The following PCNX2 variants were observed in gnomAD, a reference collection of about 807,000 sequenced individuals.
PCNX2 encodes the protein pecanex 2, also known as pecanex-like protein 2.
Under a neutral mutation model 223.8 loss-of-function variants are expected in PCNX2, and 168 were observed. The observed-to-expected ratio is 0.75, with a 90% CI of 0.66 to 0.85. PCNX2 has a LOEUF of 0.85. PCNX2 is among the 40% of genes least tolerant of loss of function. The pLI is 0.00. For missense variants in PCNX2, 2,507 were observed against 2,675.5 expected (o/e 0.94, Z 1.39); for synonymous variants, 1,006 against 1,052.6 (o/e 0.96, Z 0.86).
intron 1 of PCNX2, among the ~76,000 whole-genome samples, chr1:233,289,951 G>A (rs1558430199): frequency 6.6e-6 from 1 of 152,172 alleles, no homozygotes; most frequent in Non-Finnish European, 1.5e-5. Flanking sequence ...CTTTGGAGAG[G>A]CTACCTTTCC....
chr1:233,295,240 C>T lies in PCNX2; in HGVS notation c.153+86G>A. On this transcript the variant is annotated intron_variant, in intron 1 of 33. Coordinates refer to ENST00000258229, the MANE Select transcript of PCNX2 (RefSeq NM_014801.4). The surrounding 1 kb of genome is among the most constrained non-coding windows in gnomAD (Gnocchi z 4.1). ...AAGAATCTCTACGAACCCGAAAGCC[C>T]GTGAGGCTGATGGCACGTCTGTGGT... is the stretch of plus-strand genomic sequence containing the variant. 2 of 1,532,488 alleles carry T rather than the reference C, an allele frequency of 1.3e-6. No homozygotes were observed. Among genetic ancestry groups the T allele is most frequent in the Non-Finnish European group, 1.8e-6 (2 of 1,131,492 alleles). 94.9% of individuals were successfully genotyped at this position (1,532,488 alleles called of 1,614,324 possible).
Position 233,258,655 on chromosome 1 carries a change from T to C in PCNX2, c.1207A>G (p.Lys403Glu). ...TCAGCGTCAGACTTTACACTGGTCT[T>C]CTCTGTGCCAACCACCCTCAGGTGG... ...SLHLRVVGTE[K>E]TSVKSDAEPT... Residue 403 changes from lysine (K) to glutamate (E), a missense_variant, in exon 5 of 34, where the codon AAG (lysine) becomes GAG (glutamate). This residue lies in a region of PCNX2 where 1,031 missense variants were observed against 1,021.7 expected (regional missense o/e 1.01). Transcript: ENST00000258229. 6.2e-7 allele frequency: 1 copy of C among 1,613,956 alleles called. No individual in the cohort carries two copies. Among genetic ancestry groups the C allele is most frequent in the Non-Finnish European group, 8.5e-7 (1 of 1,179,872 alleles).
At chr1:233,314,435 G>A in the PCNX2 span, among the ~76,000 whole-genome samples, 1 of 152,070 alleles carries the variant, frequency 6.6e-6, no homozygotes, top group Non-Finnish European at 1.5e-5. Flanking sequence ...TTAAAGATAT[G>A]TATATAAAAA....
intron 23 of PCNX2, among the ~76,000 whole-genome samples, chr1:233,073,467 T>C (rs1469119271): frequency 6.6e-6 from 1 of 152,144 alleles, no homozygotes; most frequent in Admixed American, 6.5e-5. Context: ...TTGAGATCTT[T>C]AAAAAATTTT....
intron 25 of PCNX2, among the ~76,000 whole-genome samples, chr1:233,036,689 A>T (rs980822414): frequency 6.6e-6 from 1 of 152,158 alleles, no homozygotes; most frequent in African/African-American, 2.4e-5. Context: ...TGCACAATAG[A>T]AATAAAATTC....
intron 1 of PCNX2, among the ~76,000 whole-genome samples, chr1:233,266,939 A>G (rs925202654): frequency 1.3e-5 from 2 of 152,078 alleles, no homozygotes; most frequent in African/African-American, 4.8e-5. Context: ...AGTTCTTCCC[A>G]TTGGACCCAC....
intron 17 of PCNX2, among the ~76,000 whole-genome samples, chr1:233,169,372 C>A (rs1015585413): frequency 6.6e-6 from 1 of 151,368 alleles, no homozygotes; most frequent in Non-Finnish European, 1.5e-5. Flanking sequence ...CAGGGCCGGG[C>A]GCGGTGGCTC....
intron 4 of PCNX2, among the ~76,000 whole-genome samples, chr1:233,260,656 G>A (rs1558402306): frequency 6.6e-6 from 1 of 151,970 alleles, no homozygotes; most frequent in East Asian, 1.9e-4. Flanking sequence ...TTTCTAGAGC[G>A]AATTAAACTT....
At chr1:233,092,830 G>A (rs1268920610) in intron 22 of PCNX2, among the ~76,000 whole-genome samples, 3 of 151,828 alleles carry the variant, frequency 2.0e-5, no homozygotes, top group South Asian at 2.1e-4. Flanking sequence ...ATGAAGTCTC[G>A]CTCTGTCACC....
intron 12 of PCNX2, chr1:233,211,956 G>T (rs539587573): frequency 8.1e-6 from 2 of 246,114 alleles, no homozygotes; most frequent in East Asian, 1.8e-4. Context: ...CCCATTTCTC[G>T]GCTGTTGCCC....
chr1:233,145,451 T>C (rs35554512), intron 19 of PCNX2, among the ~76,000 whole-genome samples: 20,083 of 152,242 alleles, frequency 0.13, 1,454 homozygotes, highest in East Asian at 0.24. Context: ...CCACCATTTA[T>C]TGAAAACAAC....
chr1:233,083,768 A>G (rs992859750), intron 23 of PCNX2, among the ~76,000 whole-genome samples: 2 of 152,196 alleles, frequency 1.3e-5, no homozygotes, highest in African/African-American at 2.4e-5. Flanking sequence ...GTATCAAAAT[A>G]AACACGGTGC....
At chr1:233,018,919 G>A (rs1268549553) in intron 26 of PCNX2, 2 of 985,412 alleles carry the variant, frequency 2.0e-6, no homozygotes, top group Non-Finnish European at 2.4e-6. Flanking sequence ...CGAATATTGG[G>A]TGGACGGAAA....
chr1:233,195,825 G>A (rs1471808880), intron 15 of PCNX2, among the ~76,000 whole-genome samples: 2 of 152,148 alleles, frequency 1.3e-5, no homozygotes, highest in Non-Finnish European at 2.9e-5. Flanking sequence ...GGATCAAAAA[G>A]TTACAGTTAA....
chr1:233,169,500 C>G (rs949597758), intron 17 of PCNX2, among the ~76,000 whole-genome samples: 11 of 151,300 alleles, frequency 7.3e-5, no homozygotes, highest in African/African-American at 2.7e-4. Flanking sequence ...CAAAAATTAG[C>G]CGGGCATGGT....
intron 21 of PCNX2, among the ~76,000 whole-genome samples, chr1:233,107,968 G>A (rs561924661): frequency 5.4e-4 from 83 of 152,294 alleles, no homozygotes; most frequent in Middle Eastern, 3.4e-3. Flanking sequence ...GGCGATGAGC[G>A]TGACCTCTGT....
At chr1:233,179,484 G>A (rs1208816454) in intron 15 of PCNX2, among the ~76,000 whole-genome samples, 1 of 152,044 alleles carries the variant, frequency 6.6e-6, no homozygotes, top group Non-Finnish European at 1.5e-5. Context: ...TCCCTCCTCT[G>A]AATTCAATAT....
At chr1:233,314,434 T>C in the PCNX2 span, among the ~76,000 whole-genome samples, 5 of 152,192 alleles carry the variant, frequency 3.3e-5, no homozygotes, top group African/African-American at 1.2e-4. Flanking sequence ...TTTAAAGATA[T>C]GTATATAAAA....
At chr1:233,158,599 A>C (rs1238887588) in intron 19 of PCNX2, among the ~76,000 whole-genome samples, 1 of 152,196 alleles carries the variant, frequency 6.6e-6, no homozygotes, top group Non-Finnish European at 1.5e-5. Context: ...TGTAGGTTAC[A>C]AACAGGTAAA....
Sources: allele counts gnomAD v4.1 joint callset (sites outside exome capture counted in the v4.1 genomes callset), GRCh38; gene constraint gnomAD v4.1.1; regional missense constraint gnomAD v4.1.1; non-coding constraint Gnocchi (gnomAD v3.1); transcripts MANE v1.5; gene names NCBI Gene and HGNC (gene_info 2026-07-23, HGNC 2026-07-21).